C5orf34: variants seen among roughly 807,000 people sequenced by gnomAD.
C5orf34 encodes uncharacterized protein C5orf34.
In C5orf34, 73 loss-of-function variants were observed where a neutral mutation model predicts 78.4. The observed-to-expected ratio is 0.93, with a 90% CI of 0.77 to 1.13. The LOEUF is 1.13. C5orf34 is among the 50% of genes most tolerant of loss of function. The pLI, the probability that C5orf34 is intolerant of heterozygous loss-of-function variation, is 0.00. For synonymous variants in C5orf34, 251 were observed against 246.6 expected, an observed-to-expected ratio of 1.02 and a Z score of -0.17; for missense variants, 730 against 732.7, an observed-to-expected ratio of 1.00 and a Z score of 0.04.
intron 6 of C5orf34, among the ~76,000 whole-genome samples, chr5:43,498,064 C>G (rs1018723871): frequency 2.6e-5 from 4 of 152,188 alleles, no homozygotes; most frequent in Admixed American, 6.5e-5. Context: ...ACAGTTCCCT[C>G]TAATCCTGCC....
chr5:43,496,255 C>T (rs769432636), intron 6 of C5orf34: 189 of 1,581,908 alleles, frequency 1.2e-4, no homozygotes, highest in Non-Finnish European at 1.3e-4. Context: ...ACCACGTTCA[C>T]GCTCAGCTTT....
chr5:43,507,795 C>T (rs1401406274), intron 3 of C5orf34, among the ~76,000 whole-genome samples: 1 of 152,098 alleles, frequency 6.6e-6, no homozygotes, highest in East Asian at 1.9e-4. Context: ...AAAGAGGCTG[C>T]CGGCCGGGCG....
At chr5:43,488,080 T>A (rs955730450) in intron 11 of C5orf34, 131 bp from the exon 12 acceptor site, 15 of 648,310 alleles carry the variant, frequency 2.3e-5, no homozygotes, top group Non-Finnish European at 3.4e-5. Context: ...ATTCTCTTTA[T>A]GTTACCTTTA....
intron 11 of C5orf34, among the ~76,000 whole-genome samples, chr5:43,489,449 C>T (rs1323023862): frequency 1.3e-5 from 2 of 152,122 alleles, no homozygotes; most frequent in African/African-American, 2.4e-5. Context: ...TATCACCAAT[C>T]TCTACTTGCA....
At chr5:43,491,177 T>C (rs1745265035) in intron 10 of C5orf34, among the ~76,000 whole-genome samples, 1 of 152,216 alleles carries the variant, frequency 6.6e-6, no homozygotes, top group African/African-American at 2.4e-5. Flanking sequence ...TGCATATGTG[T>C]AATTATATGT....
Position 43,495,161 on chromosome 5 carries a change from G to A in C5orf34, c.1153-560C>T, listed in dbSNP as rs550498090. 7.5e-5 allele frequency: 121 copies of A among 1,608,670 alleles called. No homozygotes were observed. The Middle Eastern group carries it at 9.0e-4, about 12-fold the overall frequency. On this transcript the variant is annotated intron_variant, in intron 6 of 12. Coordinates refer to ENST00000306862, the MANE Select transcript of C5orf34 (RefSeq NM_198566.4). ...GTCCACTGCTTTGATGACACCCACC[G>A]CAACTGTCTGTCTCATATCACGAAC...
At chr5:43,491,146 G>A (rs1745263666) in intron 10 of C5orf34, among the ~76,000 whole-genome samples, 1 of 152,106 alleles carries the variant, frequency 6.6e-6, no homozygotes, top group African/African-American at 2.4e-5. Flanking sequence ...ACCTGCTAAT[G>A]CATATACACA....
At chr5:43,496,833 G>A (rs1284793088) in intron 6 of C5orf34, among the ~76,000 whole-genome samples, 1 of 151,994 alleles carries the variant, frequency 6.6e-6, no homozygotes, top group East Asian at 1.9e-4. Context: ...GGATCCCAAA[G>A]TGCTGAGATT....
chr5:43,508,798 C>T, intron 2 of C5orf34, 132 bp from the exon 3 acceptor site: 1 of 677,112 alleles, frequency 1.5e-6, no homozygotes, highest in Non-Finnish European at 2.5e-6. Context: ...TTTTGGTATT[C>T]AAAGAGTAGT....
chr5:43,505,693 G>A lies in C5orf34; in HGVS notation c.932+55C>T, dbSNP rs113681932. 571 of 1,483,002 alleles carry A rather than the reference G, an allele frequency of 3.9e-4. 4 individuals carry two copies. The African/African-American group carries it at 6.1e-3, about 16-fold the overall frequency. The allele number at this position is 1,483,002 out of a possible 1,614,324, so 91.9% of individuals were successfully genotyped here. ...TATCAGATAAAAAGAAAATTATCCA[G>A]GTTAAGACTGGTTCTGATAAAAAGC... On this transcript the variant is annotated intron_variant, in intron 4 of 12. Transcript: ENST00000306862.
chr5:43,496,085 G>C, intron 6 of C5orf34: 1 of 1,556,878 alleles, frequency 6.4e-7, no homozygotes, highest in Non-Finnish European at 8.7e-7. Context: ...GGAGATACCA[G>C]TTTCAAATTC....
chr5:43,500,942 G>A (rs1745731368), intron 6 of C5orf34, among the ~76,000 whole-genome samples: 1 of 152,170 alleles, frequency 6.6e-6, no homozygotes, highest in Admixed American at 6.5e-5. Flanking sequence ...CCCCAAAAGA[G>A]GGTCAATTGT....
chr5:43,506,330 T>A lies in C5orf34; in HGVS notation c.350A>T (p.Tyr117Phe). The change falls in exon 4 of 13, where the codon TAT becomes TTT. Residue 117 changes from tyrosine (Y) to phenylalanine (F), a missense_variant. Tyr to Phe is a conservative substitution (Grantham distance 22). Transcript: ENST00000306862. ...TATCTTCACAATGCCACTCTCCATA[T>A]ATATCATGGTACCATCTGTATCAAG... ...PSLDTDGTMI[Y>F]MESGIVKITS... is the part of the protein sequence containing the mutation. 3.1e-6 allele frequency: 5 copies of A among 1,614,032 alleles called. No individual in the cohort carries two copies. The highest frequency in any genetic ancestry group is 4.2e-6 in the Non-Finnish European group (5 of 1,180,010).
In C5orf34 at chr5:43,492,222, A is replaced by G; in HGVS notation, c.1573T>C (p.Tyr525His). The change falls in exon 10 of 13, where the codon TAT becomes CAT. Residue 525 changes from tyrosine to histidine, a missense_variant. By Grantham distance (83) the Tyr-to-His change is moderately conservative. Coordinates refer to ENST00000306862, the MANE Select transcript of C5orf34 (RefSeq NM_198566.4). ...AAAATTGCTTTTCAGTACCTTTCAT[A>G]TGGTTCAGGGTGTTCAATCTGAATT... ...QLIQIEHPEPYERYVTTVTSW... is the reference protein window; with the variant it reads ...QLIQIEHPEPHERYVTTVTSW... 5 of 1,599,452 alleles carry G rather than the reference A, an allele frequency of 3.1e-6. No individual in the cohort carries two copies. The highest frequency in any genetic ancestry group is 4.3e-6 in the Non-Finnish European group (5 of 1,174,828).
rs1561214031 is a variant in C5orf34, at chr5:43,503,779, AAGCT to A, written c.933-23_933-20del. ...ATTCCACCTGTGAAGGATAAAATAC[AAGCT>A]ATTACTTCTGGTTGCTCAATATAAT... On this transcript the variant is annotated intron_variant, in intron 4 of 12. Transcript: ENST00000306862. 1.3e-6 allele frequency: 2 copies of A among 1,495,732 alleles called. No homozygotes were observed. Among genetic ancestry groups the A allele is most frequent in the Non-Finnish European group, 1.9e-6 (2 of 1,072,500 alleles). The allele number at this position is 1,495,732 out of a possible 1,614,324, so 92.7% of individuals were successfully genotyped here.
chr5:43,514,058 A>T (rs980154449), intron 1 of C5orf34: 3 of 152,220 alleles, frequency 2.0e-5, no homozygotes, highest in Non-Finnish European at 4.4e-5. Context: ...TTGAATTTGC[A>T]ATTTGAATTA....
Position 43,492,770 on chromosome 5 carries a change from T to C in C5orf34, c.1435A>G (p.Ile479Val). 1 of 1,613,322 alleles carries C rather than the reference T, an allele frequency of 6.2e-7. No homozygotes were observed. The highest frequency in any genetic ancestry group is 8.5e-7 in the Non-Finnish European group (1 of 1,179,476). ...DKVHAIFLDG[I>V]TLTLNWNFSS... is the part of the protein sequence containing the mutation. ...AAATTCCAATTTAGGGTTAGAGTAA[T>C]GCCATCTAAAAAGATAGCATGTACT... The change falls in exon 9 of 13, where the codon ATT becomes GTT. Residue 479 changes from isoleucine (I) to valine (V), a missense_variant. Ile to Val is a conservative substitution (Grantham distance 29, BLOSUM62 3). Coordinates refer to ENST00000306862, the MANE Select transcript of C5orf34 (RefSeq NM_198566.4).
At chr5:43,506,518 G>C (rs970393374) in intron 3 of C5orf34, 124 bp from the exon 4 acceptor site, 1 of 956,804 alleles carries the variant, frequency 1.0e-6, no homozygotes. Flanking sequence ...TATCTACAGA[G>C]AATGAAAAAA....
intron 6 of C5orf34, among the ~76,000 whole-genome samples, chr5:43,498,502 A>T (rs1745634843): frequency 6.6e-6 from 1 of 152,236 alleles, no homozygotes; most frequent in East Asian, 1.9e-4. Context: ...CATCAAAAAA[A>T]TTTAGATTTG....
Sources: allele counts gnomAD v4.1 joint callset (sites outside exome capture counted in the v4.1 genomes callset), GRCh38; gene constraint gnomAD v4.1.1; transcripts MANE v1.5; gene names NCBI Gene and HGNC (gene_info 2026-07-23, HGNC 2026-07-21).